CDH13: variants seen among roughly 807,000 people sequenced by gnomAD.
CDH13 encodes the protein cadherin 13, also known as cadherin-13.
CDH13 carries 24 observed loss-of-function variants against 63.8 expected under a neutral mutation model. That is an observed-to-expected ratio of 0.38 (90% CI 0.27 to 0.53). The LOEUF (loss-of-function observed/expected upper bound fraction) is 0.53, where lower values mean the gene tolerates loss of function less well. CDH13 is among the 20% of genes least tolerant of loss of function. The pLI is 0.85. For missense variants in CDH13, 1,049 were observed against 903.1 expected, an observed-to-expected ratio of 1.16 and a Z score of -2.07; for synonymous variants, 503 against 355.3, an observed-to-expected ratio of 1.42 and a Z score of -4.67.
At chr16:82,719,023 T>C (rs960703493) in intron 1 of CDH13, among the ~76,000 whole-genome samples, 4 of 152,192 alleles carry the variant, frequency 2.6e-5, no homozygotes, top group Non-Finnish European at 4.4e-5. Context: ...GTTCAATATT[T>C]TGAATATCCT....
At chr16:82,997,627 A>C (rs997707228) in intron 2 of CDH13, among the ~76,000 whole-genome samples, 2 of 152,174 alleles carry the variant, frequency 1.3e-5, no homozygotes, top group East Asian at 3.8e-4. Context: ...GCCTGAGCCC[A>C]GGTTGTTCTT....
At chr16:83,067,957 G>A (rs183904450) in intron 3 of CDH13, among the ~76,000 whole-genome samples, 1 of 152,252 alleles carries the variant, frequency 6.6e-6, no homozygotes, top group Admixed American at 6.5e-5. Context: ...GGCTTAAGAA[G>A]CCTTCACCCT....
At chr16:83,553,198 G>A (rs1449483397) in intron 7 of CDH13, among the ~76,000 whole-genome samples, 1 of 152,180 alleles carries the variant, frequency 6.6e-6, no homozygotes, top group African/African-American at 2.4e-5. Context: ...TAAGTTCGGA[G>A]CAGTCCTAAC....
At chr16:82,720,930 G>A (rs2032731952) in intron 1 of CDH13, among the ~76,000 whole-genome samples, 1 of 152,176 alleles carries the variant, frequency 6.6e-6, no homozygotes, top group Non-Finnish European at 1.5e-5. Context: ...CTGAATAAAT[G>A]AGTGAGTGAG....
chr16:83,422,331 C>T (rs940616415), intron 6 of CDH13, among the ~76,000 whole-genome samples: 1 of 152,100 alleles, frequency 6.6e-6, no homozygotes, highest in Non-Finnish European at 1.5e-5. Flanking sequence ...ACTTAAGAAC[C>T]AGAACTGTTT....
chr16:83,067,249 G>C (rs1177261949), intron 3 of CDH13, among the ~76,000 whole-genome samples: 1 of 152,200 alleles, frequency 6.6e-6, no homozygotes, highest in Non-Finnish European at 1.5e-5. Flanking sequence ...ATGTTGATAA[G>C]TATTGTGTTG....
chr16:82,675,542 CT>C (rs1206242104), intron 1 of CDH13, among the ~76,000 whole-genome samples: 1 of 152,190 alleles, frequency 6.6e-6, no homozygotes, highest in East Asian at 1.9e-4. Context: ...AGTTTCAAAG[CT>C]GCATGAAGTC....
intron 6 of CDH13, among the ~76,000 whole-genome samples, chr16:83,412,692 C>T (rs1334671948): frequency 6.6e-6 from 1 of 152,138 alleles, no homozygotes; most frequent in African/African-American, 2.4e-5. Flanking sequence ...AATGTATGCA[C>T]TACTCAAAAT....
chr16:83,043,993 G>A (rs1467401406), intron 3 of CDH13, among the ~76,000 whole-genome samples: 1 of 152,170 alleles, frequency 6.6e-6, no homozygotes, highest in East Asian at 1.9e-4. Flanking sequence ...GCAGTGAATA[G>A]CTAAGGATTA....
In CDH13 at chr16:83,205,435, G is replaced by A. The variant is rs140899458; in HGVS notation, c.484-11910G>A. Among the ~76,000 whole-genome samples, 85 of 152,166 alleles carry A rather than the reference G, an allele frequency of 5.6e-4. No individual in the cohort carries two copies. In the East Asian group the frequency reaches 8.3e-3, roughly 15 times the overall value. The stretch of plus-strand genomic sequence containing the variant: ...CCAATCTGCTGAGGCATCTTTCAGC[G>A]CATCTCCCATGTTATGTAAAATGAG... On this transcript the variant is annotated intron_variant, in intron 4 of 13. Coordinates refer to ENST00000567109, the MANE Select transcript of CDH13 (RefSeq NM_001257.5).
At chr16:83,368,665 G>T (rs1178771727) in intron 6 of CDH13, among the ~76,000 whole-genome samples, 2 of 145,438 alleles carry the variant, frequency 1.4e-5, no homozygotes, top group East Asian at 4.1e-4. Flanking sequence ...CGTATCCGTT[G>T]CCATGCCCAA....
At chr16:83,570,644 T>C (rs79167855) in intron 7 of CDH13, among the ~76,000 whole-genome samples, 1,615 of 150,850 alleles carry the variant, frequency 0.011, 24 homozygotes, top group African/African-American at 0.038. Context: ...TCCATCCTAG[T>C]ATTCCCAGAG....
At chr16:83,313,806 A>C (rs1009746134) in intron 5 of CDH13, among the ~76,000 whole-genome samples, 1 of 152,204 alleles carries the variant, frequency 6.6e-6, no homozygotes, top group Non-Finnish European at 1.5e-5. Context: ...AAGGAAGAAC[A>C]GTTACTTGAA....
intron 7 of CDH13, among the ~76,000 whole-genome samples, chr16:83,560,900 C>CA (rs202123241): frequency 0.035 from 1,029 of 29,588 alleles, 15 homozygotes; most frequent in African/African-American, 0.074. Context: ...ATAAGGTTGG[C>CA]CCCCCCCCCG....
rs898282370 is a variant in CDH13 at position 82,930,350 on chromosome 16, T to G, written c.157+71877T>G. ...TATGGGACTCTCTCTTTTTGAATAC[T>G]GTAATAGATCAACAGCTAACATTTA... On this transcript the variant is annotated intron_variant, in intron 2 of 13. Transcript: ENST00000567109. Among the ~76,000 whole-genome samples the G allele has an allele frequency of 3.5e-4, 54 of 152,204 alleles. 2 individuals carry two copies. The highest frequency in any genetic ancestry group is 1.5e-5 in the Non-Finnish European group (1 of 68,042).
chr16:83,110,151 A>T (rs556412162), intron 3 of CDH13, among the ~76,000 whole-genome samples: 1 of 152,368 alleles, frequency 6.6e-6, no homozygotes, highest in African/African-American at 2.4e-5. Flanking sequence ...AAGTCTCACT[A>T]GTAGCAGAAA....
chr16:83,341,271 G>A (rs1271908470), intron 5 of CDH13, among the ~76,000 whole-genome samples: 1 of 152,190 alleles, frequency 6.6e-6, no homozygotes, highest in African/African-American at 2.4e-5. Context: ...AAAGAAGGCA[G>A]GCAAGAACGT....
intron 3 of CDH13, among the ~76,000 whole-genome samples, chr16:83,058,280 C>A (rs1472810249): frequency 2.0e-5 from 3 of 152,092 alleles, no homozygotes; most frequent in Non-Finnish European, 4.4e-5. Context: ...AACTGGATTT[C>A]GCTGCACTCA....
chr16:82,698,530 G>T (rs1302986019), intron 1 of CDH13, among the ~76,000 whole-genome samples: 5 of 152,222 alleles, frequency 3.3e-5, no homozygotes, highest in Admixed American at 2.6e-4. Context: ...CGTATTTGAG[G>T]TGGGCTTTGC....
Sources: gnomAD v4.1 joint callset for allele counts (sites outside exome capture counted in the v4.1 genomes callset) on GRCh38, gnomAD v4.1.1 for gene constraint, MANE v1.5 for transcripts, NCBI Gene and HGNC (gene_info 2026-07-23, HGNC 2026-07-21) for gene names.